The following EIF2B3 variants were observed in gnomAD, a reference collection of about 807,000 sequenced individuals.
The protein encoded by EIF2B3 is eukaryotic translation initiation factor 2B subunit gamma.
EIF2B3 carries 20 observed loss-of-function variants against 54.1 expected under a neutral mutation model. That is an observed-to-expected ratio of 0.37 (90% CI 0.26 to 0.54). The LOEUF is 0.54. Ranked by LOEUF, EIF2B3 falls within the 20% of genes least tolerant of loss-of-function variation. The pLI, the probability that EIF2B3 is intolerant of heterozygous loss-of-function variation, is 0.86. For synonymous variants in EIF2B3, 153 were observed against 188.1 expected (o/e 0.81, Z 1.52); for missense variants, 448 against 547.8 (o/e 0.82, Z 1.82).
chr1:44,963,839 CA>C (rs1183599054), intron 3 of EIF2B3, among the ~76,000 whole-genome samples: 1 of 152,150 alleles, frequency 6.6e-6, no homozygotes, highest in African/African-American at 2.4e-5. Flanking sequence ...TCTGTGTTAT[CA>C]CAGTTGCTAG....
intron 6 of EIF2B3, among the ~76,000 whole-genome samples, chr1:44,885,072 C>T (rs555472172): frequency 4.6e-5 from 7 of 152,334 alleles, no homozygotes; most frequent in Admixed American, 1.3e-4. Flanking sequence ...CCATTGTGAA[C>T]ATCCTGGGCC....
intron 4 of EIF2B3, among the ~76,000 whole-genome samples, chr1:44,933,838 T>G (rs1337251796): frequency 5.9e-5 from 9 of 152,002 alleles, no homozygotes; most frequent in African/African-American, 2.2e-4. Flanking sequence ...ATAAGAAAAT[T>G]ATGGCTGGGC....
intron 3 of EIF2B3, among the ~76,000 whole-genome samples, chr1:44,969,802 A>G (rs970714338): frequency 6.6e-6 from 1 of 152,222 alleles, no homozygotes; most frequent in Admixed American, 6.5e-5. Flanking sequence ...GTGTTTAACA[A>G]TGGCAATTAT....
At chr1:44,982,348 G>A (rs1287535671) in intron 1 of EIF2B3, among the ~76,000 whole-genome samples, 1 of 152,130 alleles carries the variant, frequency 6.6e-6, no homozygotes, top group African/African-American at 2.4e-5. Context: ...TGCCAGGCTG[G>A]AGTGCAATGC....
intron 4 of EIF2B3, among the ~76,000 whole-genome samples, chr1:44,929,362 ACGTTTAG>A (rs1359493431): frequency 1.3e-5 from 2 of 152,202 alleles, no homozygotes; most frequent in Non-Finnish European, 2.9e-5. Flanking sequence ...ATTGTACAAT[ACGTTTAG>A]CTCAGGTACT....
At chr1:44,903,932 C>T (rs1333814911) in intron 5 of EIF2B3, among the ~76,000 whole-genome samples, 1 of 152,076 alleles carries the variant, frequency 6.6e-6, no homozygotes, top group Non-Finnish European at 1.5e-5. Flanking sequence ...AAAAAATTAG[C>T]CAGGTGTGGT....
chr1:44,889,353 T>C (rs988776256), intron 6 of EIF2B3, among the ~76,000 whole-genome samples: 1 of 151,948 alleles, frequency 6.6e-6, no homozygotes, highest in East Asian at 2.0e-4. Flanking sequence ...CTGGTGAACA[T>C]GGTGAAATGG....
Position 44,881,460 on chromosome 1 carries a change from C to T in EIF2B3, c.784+152G>A. On this transcript the variant is annotated intron_variant, in intron 7 of 11. Transcript: ENST00000360403. This position sits in a 1 kb window ranked among gnomAD's most constrained non-coding sequence, Gnocchi z 4.0. ...TCTGCCTGAGCAAGCTTACCCAGAG[C>T]TCAGTGGGTTGGCAAGCCTGTCTTG... 1.9e-6 allele frequency: 2 copies of T among 1,030,304 alleles called. No homozygotes were observed. The highest frequency in any genetic ancestry group is 3.0e-6 in the Non-Finnish European group (2 of 673,742). The allele number at this position is 1,030,304 out of a possible 1,614,324, so 63.8% of individuals were successfully genotyped here.
intron 10 of EIF2B3, among the ~76,000 whole-genome samples, chr1:44,870,946 C>G (rs902883716): frequency 5.3e-5 from 8 of 152,192 alleles, no homozygotes; most frequent in East Asian, 1.9e-4. Context: ...CCACACCCAG[C>G]CTTCAGTTAC....
intron 5 of EIF2B3, among the ~76,000 whole-genome samples, chr1:44,904,621 C>G (rs1409268359): frequency 6.6e-6 from 1 of 152,140 alleles, no homozygotes; most frequent in Non-Finnish European, 1.5e-5. Context: ...TCATGCCATT[C>G]TCCTGCCTCA....
chr1:44,937,173 A>G (rs985911471), intron 4 of EIF2B3: 6 of 152,234 alleles, frequency 3.9e-5, no homozygotes, highest in African/African-American at 1.2e-4. Context: ...CGCTCTTGTA[A>G]TACCTACTTA....
chr1:44,961,514 C>T (rs1644284757), intron 3 of EIF2B3, among the ~76,000 whole-genome samples: 1 of 151,922 alleles, frequency 6.6e-6, no homozygotes. Context: ...CTCATCTCCA[C>T]AAAAATAATT....
In EIF2B3 at chr1:44,908,711, T is replaced by C. The variant is rs139067765; in HGVS notation, c.567-11267A>G. On this transcript the variant is annotated intron_variant, in intron 5 of 11. Coordinates refer to ENST00000360403, the MANE Select transcript of EIF2B3 (RefSeq NM_020365.5). ...TTATAGATTTGGGATAAAGAGATAG[T>C]GGAAAGCAAAGTTGAAAATTCTGGA... 4.0e-3 allele frequency among the ~76,000 whole-genome samples: 603 copies of C among 152,232 alleles called. 4 individuals are homozygous for C. The highest frequency in any genetic ancestry group is 0.014 in the African/African-American group (571 of 41,530).
chr1:44,956,019 T>C (rs564634747), intron 3 of EIF2B3, among the ~76,000 whole-genome samples: 14 of 152,316 alleles, frequency 9.2e-5, no homozygotes, highest in African/African-American at 3.1e-4. Flanking sequence ...ACTGGGTATA[T>C]ACCCAAAGGA....
In EIF2B3 at chr1:44,899,691, C is replaced by T. The variant is rs1313896832; in HGVS notation, c.567-2247G>A. 5.9e-5 allele frequency among the ~76,000 whole-genome samples: 9 copies of T among 152,088 alleles called. 1 individual carries two copies. The highest frequency in any genetic ancestry group is 2.6e-4 in the Admixed American group (4 of 15,260). On this transcript the variant is annotated intron_variant, in intron 5 of 11. Transcript: ENST00000360403. ...AAACAACAACAACAACAACAGATGCCGGTGAGACTGTGGAGAAAAAGAAAT... is the reference window on the plus strand; with the variant it reads ...AAACAACAACAACAACAACAGATGCTGGTGAGACTGTGGAGAAAAAGAAAT...
intron 3 of EIF2B3, among the ~76,000 whole-genome samples, chr1:44,958,248 G>A (rs1189700585): frequency 1.3e-5 from 2 of 152,152 alleles, no homozygotes; most frequent in Non-Finnish European, 2.9e-5. Context: ...CAATAAAAAG[G>A]GTTAAAGGCT....
intron 10 of EIF2B3, among the ~76,000 whole-genome samples, chr1:44,861,543 A>T (rs985191654): frequency 6.6e-6 from 1 of 152,204 alleles, no homozygotes; most frequent in African/African-American, 2.4e-5. Flanking sequence ...TATAAGTGGG[A>T]GAGATTTCTG....
chr1:44,976,751 C>G (rs1436504823), intron 3 of EIF2B3, among the ~76,000 whole-genome samples: 1 of 152,060 alleles, frequency 6.6e-6, no homozygotes, highest in Non-Finnish European at 1.5e-5. Context: ...CTTTCAATAA[C>G]ATGAAAGAAT....
chr1:44,959,582 T>C (rs1245351928), intron 3 of EIF2B3, among the ~76,000 whole-genome samples: 1 of 152,172 alleles, frequency 6.6e-6, no homozygotes, highest in Non-Finnish European at 1.5e-5. Flanking sequence ...TTACAGAATG[T>C]TTCCAGGTTC....
Sources: gnomAD v4.1 joint callset for allele counts (sites outside exome capture counted in the v4.1 genomes callset) on GRCh38, gnomAD v4.1.1 for gene constraint, Gnocchi (gnomAD v3.1) non-coding constraint, MANE v1.5 for transcripts, NCBI Gene and HGNC (gene_info 2026-07-23, HGNC 2026-07-21) for gene names.